Variants in GAS7 observed in about 807,000 individuals in gnomAD.
GAS7 encodes the protein growth arrest specific 7.
A neutral mutation model predicts 71.1 loss-of-function variants in GAS7; 28 were observed. The ratio of observed to expected loss-of-function variants is 0.39; its 90% CI spans 0.29 to 0.54. The LOEUF (loss-of-function observed/expected upper bound fraction) is 0.54. GAS7 is among the 20% of genes least tolerant of loss of function. The probability of loss-of-function intolerance (pLI) is 0.62; values close to 1 mark genes in which losing one functional copy is unlikely to be tolerated. For synonymous variants in GAS7, 258 were observed against 245.8 expected, an observed-to-expected ratio of 1.05 and a Z score of -0.46; for missense variants, 436 against 627.8, an observed-to-expected ratio of 0.69 and a Z score of 3.27.
rs1182651000 is a variant in GAS7 at position 9,915,823 on chromosome 17, C to CCTTTAGACT, written c.*1396_*1404dup. The CCTTTAGACT allele has an allele frequency of 8.7e-6, 2 of 231,146 alleles. No homozygotes were observed. The highest frequency in any genetic ancestry group is 2.2e-5 in the African/African-American group (1 of 45,242). 14.3% of individuals were successfully genotyped at this position (231,146 alleles called of 1,614,324 possible). On this transcript the variant is annotated 3_prime_UTR_variant, in exon 14 of 14. Coordinates refer to ENST00000432992, the MANE Select transcript of GAS7 (RefSeq NM_201433.2). Reference sequence around the variant, plus strand: ...CCCCTCGCTCATGCTTCTCCCGGCCCCTTTAGACTCTTTAGACTGACATGG... The same window carrying CCTTTAGACT: ...CCCCTCGCTCATGCTTCTCCCGGCCCCTTTAGACTCTTTAGACTCTTTAGACTGACATGG...
intron 1 of GAS7, among the ~76,000 whole-genome samples, chr17:10,050,336 T>C (rs1018540340): frequency 2.6e-5 from 4 of 152,122 alleles, no homozygotes; most frequent in African/African-American, 9.7e-5. Flanking sequence ...TCTCAACCAA[T>C]GCAACGCTAA....
intron 1 of GAS7, among the ~76,000 whole-genome samples, chr17:10,054,665 T>C (rs1472768215): frequency 1.3e-5 from 2 of 152,176 alleles, no homozygotes; most frequent in South Asian, 2.1e-4. Flanking sequence ...TTCTAACGAA[T>C]TGAATACCAC....
chr17:10,153,519 CAAAAAAAA>C (rs11476862), intron 1 of GAS7, among the ~76,000 whole-genome samples: 5 of 117,744 alleles, frequency 4.2e-5, no homozygotes, highest in Admixed American at 1.8e-4. Context: ...CTTTGACTCA[CAAAAAAAA>C]AAAAAAAAAG....
intron 1 of GAS7, among the ~76,000 whole-genome samples, chr17:10,083,224 A>G (rs1210647247): frequency 6.6e-6 from 1 of 152,216 alleles, no homozygotes; most frequent in Non-Finnish European, 1.5e-5. Context: ...TAAATATTTT[A>G]TTAAAAATTA....
intron 1 of GAS7, among the ~76,000 whole-genome samples, chr17:10,077,197 G>A (rs1041881766): frequency 6.6e-5 from 10 of 152,198 alleles, no homozygotes; most frequent in African/African-American, 2.4e-4. Context: ...AAGGAGGTTG[G>A]AGGTGATCTC....
intron 8 of GAS7, 21 bp downstream of exon 8, chr17:9,940,105 A>G (rs748403850): frequency 1.0e-5 from 14 of 1,378,568 alleles, no homozygotes; most frequent in Non-Finnish European, 1.5e-5. Flanking sequence ...CCCCACTCCC[A>G]CCTCTCTCCT....
intron 1 of GAS7, among the ~76,000 whole-genome samples, chr17:10,088,220 CAAT>C (rs58029258): frequency 0.17 from 22,752 of 137,678 alleles, 2,972 homozygotes; most frequent in East Asian, 0.61. Context: ...GACTCTATCT[CAAT>C]AATAATAATA....
intron 2 of GAS7, among the ~76,000 whole-genome samples, chr17:10,008,338 C>T (rs150822716): frequency 2.6e-3 from 389 of 152,302 alleles, no homozygotes; most frequent in African/African-American, 8.0e-3. Context: ...CATATCTGAA[C>T]CACATGCTGC....
At position 9,919,450 on chromosome 17, in the gene GAS7, G is replaced by A. The variant is rs1354037259; in HGVS notation, c.1218+176C>T. ...CACAGCTAGGAAGCGCTGGAGCAGA[G>A]ATCTGAATCCACATAAGCTGGCTCA... On this transcript the variant is annotated intron_variant, in intron 12 of 13. Coordinates refer to ENST00000432992, the MANE Select transcript of GAS7 (RefSeq NM_201433.2). This position sits in a 1 kb window ranked among gnomAD's most constrained non-coding sequence, Gnocchi z 5.0. Among the ~76,000 whole-genome samples, 2 of 152,134 alleles carry A rather than the reference G, an allele frequency of 1.3e-5. No individual in the cohort carries two copies. The highest frequency in any genetic ancestry group is 4.8e-5 in the African/African-American group (2 of 41,416).
chr17:10,160,565 T>G (rs1005684352), intron 1 of GAS7, among the ~76,000 whole-genome samples: 6 of 152,110 alleles, frequency 3.9e-5, no homozygotes, highest in Non-Finnish European at 8.8e-5. Context: ...TGTCTAGTGG[T>G]CTCTCCACGG....
chr17:10,082,209 T>C (rs2073464347), intron 1 of GAS7, among the ~76,000 whole-genome samples: 1 of 152,172 alleles, frequency 6.6e-6, no homozygotes, highest in African/African-American at 2.4e-5. Flanking sequence ...CACACGTTAA[T>C]AAAGATTTTA....
intron 1 of GAS7, among the ~76,000 whole-genome samples, chr17:10,101,988 C>A (rs930426735): frequency 6.6e-6 from 1 of 152,046 alleles, no homozygotes; most frequent in East Asian, 1.9e-4. Context: ...TAAGCAACTC[C>A]CTCCCCAAAT....
chr17:10,140,922 A>C (rs1473086390), intron 1 of GAS7, among the ~76,000 whole-genome samples: 1 of 152,262 alleles, frequency 6.6e-6, no homozygotes, highest in Non-Finnish European at 1.5e-5. Flanking sequence ...ACTGGCCACT[A>C]TGCCTCAATG....
chr17:9,922,669 T>TAA (rs376853810), intron 11 of GAS7, among the ~76,000 whole-genome samples: 3 of 151,188 alleles, frequency 2.0e-5, no homozygotes, highest in African/African-American at 7.3e-5. Flanking sequence ...TAAAACTATG[T>TAA]AAAAAAAAAT....
Position 9,926,518 on chromosome 17 carries a change from A to G in GAS7, c.1014+123T>C, listed in dbSNP as rs185980829. The stretch of plus-strand genomic sequence containing the variant: ...AGGCACGAGGCTTGGACATCCCCCT[A>G]TTCCCCTACCTGGGGACAAAGACTC... On this transcript the variant is annotated intron_variant, in intron 10 of 13. Coordinates refer to ENST00000432992, the MANE Select transcript of GAS7 (RefSeq NM_201433.2). This position sits in a 1 kb window ranked among gnomAD's most constrained non-coding sequence, Gnocchi z 5.0. 2.5e-4 allele frequency: 256 copies of G among 1,039,494 alleles called. 2 individuals carry two copies. In the African/African-American group the frequency reaches 3.5e-3, roughly 14 times the overall value. The allele number at this position is 1,039,494 out of a possible 1,614,324, so 64.4% of individuals were successfully genotyped here. A position where few individuals can be genotyped will look rare whatever the true frequency, so the allele number is the denominator to read the frequency against.
At chr17:10,161,374 T>G (rs1031111916) in intron 1 of GAS7, among the ~76,000 whole-genome samples, 1 of 152,122 alleles carries the variant, frequency 6.6e-6, no homozygotes, top group Non-Finnish European at 1.5e-5. Context: ...CTCCAACCAA[T>G]AGTTCACTCA....
At chr17:10,171,569 G>A (rs1162879767) in intron 1 of GAS7, among the ~76,000 whole-genome samples, 3 of 152,164 alleles carry the variant, frequency 2.0e-5, no homozygotes, top group Non-Finnish European at 2.9e-5. Context: ...GACGCTAGGG[G>A]GAAGAAATCT....
chr17:10,103,959 T>C lies in GAS7; in HGVS notation c.184-84062A>G, dbSNP rs1163488797. ...CTCGCAGCCTTCCCTCCCACAACAG[T>C]AACTCCTCCTACCAAAGGCAACTTA... On this transcript the variant is annotated intron_variant, in intron 1 of 13. Coordinates refer to ENST00000432992, the MANE Select transcript of GAS7 (RefSeq NM_201433.2). The surrounding 1 kb of genome is among the most constrained non-coding windows in gnomAD (Gnocchi z 5.5). 6.6e-6 allele frequency among the ~76,000 whole-genome samples: 1 copy of C among 152,020 alleles called. No individual in the cohort carries two copies. The highest frequency in any genetic ancestry group is 2.4e-5 in the African/African-American group (1 of 41,380).
chr17:9,969,669 C>T lies in GAS7; in HGVS notation c.471+8G>A. On this transcript the variant is annotated splice_region_variant and intron_variant, in intron 4 of 13. Transcript: ENST00000432992. The surrounding 1 kb of genome is among the most constrained non-coding windows in gnomAD (Gnocchi z 5.5). The stretch of plus-strand genomic sequence containing the variant: ...GACCGCTATACCTCCCTCAACAGGA[C>T]CCCTTACCTGGGAATCACCGGTGGA... 6.4e-7 allele frequency: 1 copy of T among 1,564,488 alleles called. No homozygotes were observed. The highest frequency in any genetic ancestry group is 8.8e-7 in the Non-Finnish European group (1 of 1,134,732).
Sources: allele counts gnomAD v4.1 joint callset (sites outside exome capture counted in the v4.1 genomes callset), GRCh38; gene constraint gnomAD v4.1.1; non-coding constraint Gnocchi (gnomAD v3.1); transcripts MANE v1.5; gene names NCBI Gene and HGNC (gene_info 2026-07-23, HGNC 2026-07-21).